The following SARDH variants were observed in gnomAD, a reference collection of about 807,000 sequenced individuals.
The protein encoded by SARDH is sarcosine dehydrogenase.
SARDH carries 95 observed loss-of-function variants against 109.1 expected under a neutral mutation model. The observed-to-expected ratio is 0.87, with a 90% CI of 0.74 to 1.03. The LOEUF (loss-of-function observed/expected upper bound fraction) is 1.03, where lower values mean the gene tolerates loss of function less well. SARDH is among the 50% of genes least tolerant of loss of function. SARDH has a pLI of 0.00. For missense variants in SARDH, 1,267 were observed against 1,287.8 expected, an observed-to-expected ratio of 0.98 and a Z score of 0.25; for synonymous variants, 572 against 534.8, an observed-to-expected ratio of 1.07 and a Z score of -0.96.
intron 6 of SARDH, among the ~76,000 whole-genome samples, chr9:133,727,407 G>A (rs1421439880): frequency 2.6e-5 from 4 of 152,254 alleles, no homozygotes; most frequent in Admixed American, 6.5e-5. Context: ...AGGCTGCCAC[G>A]CCCAGGGAGC....
rs1332012870 is a variant in SARDH at position 133,712,642 on chromosome 9, C to T, written c.1305G>A (p.Lys435=). ...ACCTGATGTCATAGCCATGCATGTC[C>T]TTCTCCGGGCGCCCATGGATGATCC... ...AHWIIHGRPE[K]DMHGYDIRRF... Residue 435 remains lysine (K), a synonymous_variant, in exon 10 of 21, where the codon AAG becomes AAA. Transcript: ENST00000439388. This position sits in a 1 kb window ranked among gnomAD's most constrained non-coding sequence, Gnocchi z 4.1. 5 of 1,610,094 alleles carry T rather than the reference C, an allele frequency of 3.1e-6. No homozygotes were observed. Among genetic ancestry groups the T allele is most frequent in the Non-Finnish European group, 4.2e-6 (5 of 1,179,958 alleles).
rs3025447 is a variant in SARDH at position 133,682,163 on chromosome 9, G to A, written c.2163+3030C>T. Among the ~76,000 whole-genome samples, 778 of 152,164 alleles carry A rather than the reference G, an allele frequency of 5.1e-3. 6 individuals carry two copies. Among genetic ancestry groups the A allele is most frequent in the African/African-American group, 0.018 (745 of 41,508 alleles). The stretch of plus-strand genomic sequence containing the variant: ...ACGGTGTTCAAGGGAAGTTCCTCCC[G>A]GGGCCACTTCCAAAGCAGAGAGGTG... On this transcript the variant is annotated intron_variant, in intron 17 of 20. Transcript: ENST00000439388.
intron 13 of SARDH, among the ~76,000 whole-genome samples, chr9:133,701,852 G>A (rs747049962): frequency 6.6e-6 from 1 of 152,238 alleles, no homozygotes; most frequent in African/African-American, 2.4e-5. Context: ...CTTCAGAACT[G>A]GCTACAGAAC....
intron 19 of SARDH, among the ~76,000 whole-genome samples, chr9:133,667,930 G>A (rs1830131483): frequency 1.3e-5 from 2 of 152,124 alleles, no homozygotes; most frequent in South Asian, 4.1e-4. Context: ...TCCACTGCCA[G>A]CATCTTCTCT....
intron 17 of SARDH, among the ~76,000 whole-genome samples, chr9:133,682,283 T>TCA (rs1830724832): frequency 6.6e-6 from 1 of 152,104 alleles, no homozygotes; most frequent in African/African-American, 2.4e-5. Context: ...AGGGGAACAG[T>TCA]CACGACATTC....
At chr9:133,678,466 C>T (rs1212463365) in intron 17 of SARDH, among the ~76,000 whole-genome samples, 2 of 152,188 alleles carry the variant, frequency 1.3e-5, no homozygotes, top group African/African-American at 4.8e-5. Context: ...AGGCCCTCTC[C>T]CCCAAAGCCA....
At chr9:133,681,028 C>A (rs560033733) in intron 17 of SARDH, among the ~76,000 whole-genome samples, 57 of 152,236 alleles carry the variant, frequency 3.7e-4, no homozygotes, top group Non-Finnish European at 6.6e-4. Flanking sequence ...TAAATCTGTG[C>A]GCTAAGGTCG....
intron 17 of SARDH, among the ~76,000 whole-genome samples, chr9:133,679,634 A>G (rs946769889): frequency 1.3e-5 from 2 of 152,132 alleles, no homozygotes; most frequent in African/African-American, 4.8e-5. Context: ...TCGAGGCAAG[A>G]TATTTGGGGA....
rs1832626491 is a variant in SARDH at position 133,730,140 on chromosome 9, A to G, written c.738T>C (p.Asp246=). 6.2e-7 allele frequency: 1 copy of G among 1,614,002 alleles called. No homozygotes were observed. Among genetic ancestry groups the G allele is most frequent in the Admixed American group, 1.7e-5 (1 of 59,998 alleles). Residue 246 remains aspartate, a synonymous_variant, in exon 5 of 21, where the codon GAT becomes GAC. Coordinates refer to ENST00000439388, the MANE Select transcript of SARDH (RefSeq NM_001134707.2). ...CACCCGCGACCCGCCGCACCCCAAA[A>G]TCATCCGTCCACACACGAATGCCGG... ...PVTGIRVWTD[D]FGVRRVAGVE...
intron 11 of SARDH, among the ~76,000 whole-genome samples, chr9:133,707,687 A>T (rs1388901439): frequency 1.3e-5 from 2 of 152,106 alleles, no homozygotes; most frequent in South Asian, 4.1e-4. Context: ...CAGAAAGCAA[A>T]GCGTCCAGCA....
intron 17 of SARDH, among the ~76,000 whole-genome samples, chr9:133,673,906 C>A (rs762099468): frequency 6.6e-6 from 1 of 152,216 alleles, no homozygotes; most frequent in Middle Eastern, 3.2e-3. Context: ...AGGGAGGGAG[C>A]AGTCCCATCC....
At chr9:133,691,151 C>G (rs1831077248) in intron 15 of SARDH, among the ~76,000 whole-genome samples, 1 of 151,078 alleles carries the variant, frequency 6.6e-6, no homozygotes, top group African/African-American at 2.4e-5. Context: ...CAGACAGACA[C>G]CCTACCTCAC....
Position 133,696,328 on chromosome 9 carries a change from C to T in SARDH, c.1702G>A (p.Ala568Thr), listed in dbSNP as rs200850275. 1.4e-4 allele frequency: 219 copies of T among 1,614,022 alleles called. No homozygotes were observed. The highest frequency in any genetic ancestry group is 1.7e-4 in the Non-Finnish European group (197 of 1,180,044). Residue 568 changes from alanine to threonine, a missense_variant, in exon 14 of 21, where the codon GCC (alanine) becomes ACC (threonine). Coordinates refer to ENST00000439388, the MANE Select transcript of SARDH (RefSeq NM_001134707.2). The part of the protein sequence containing the change: ...KKECLACRGA[A>T]AVFDMSYFGK... ...AAGTAGGACATGTCAAACACAGCGG[C>T]GGCCCCTCTGCAGGCCAGGCACTCC...
intron 10 of SARDH, among the ~76,000 whole-genome samples, chr9:133,711,469 C>T (rs902355217): frequency 9.9e-5 from 15 of 152,224 alleles, no homozygotes; most frequent in Non-Finnish European, 2.1e-4. Context: ...ATTTCCGGGA[C>T]ATTCCTCGCT....
At chr9:133,732,195 C>T (rs964450217) in intron 3 of SARDH, among the ~76,000 whole-genome samples, 1 of 152,088 alleles carries the variant, frequency 6.6e-6, no homozygotes, top group African/African-American at 2.4e-5. Flanking sequence ...TGCCCACCGA[C>T]ATGAGCCCCA....
At chr9:133,738,077 C>T (rs1298797138) in intron 1 of SARDH, among the ~76,000 whole-genome samples, 177 bp downstream of exon 1, 3 of 152,078 alleles carry the variant, frequency 2.0e-5, no homozygotes, top group Admixed American at 6.5e-5. Flanking sequence ...TGGGGAGGAG[C>T]GGCAGGGGGC....
chr9:133,699,260 TA>T (rs1831396171), intron 13 of SARDH, among the ~76,000 whole-genome samples: 1 of 151,708 alleles, frequency 6.6e-6, no homozygotes, highest in African/African-American at 2.4e-5. Flanking sequence ...GCAGGATAAT[TA>T]CTTGGGAGGC....
intron 3 of SARDH, 124 bp from the exon 4 acceptor site, chr9:133,731,608 C>T: frequency 1.1e-6 from 1 of 922,626 alleles, no homozygotes; most frequent in South Asian, 1.7e-5. Context: ...TTAGCCGGTC[C>T]CCACGCCCCC....
In SARDH at chr9:133,709,569, T is replaced by C. The variant is rs532735730; in HGVS notation, c.1329-1141A>G. 2.6e-5 allele frequency among the ~76,000 whole-genome samples: 4 copies of C among 152,264 alleles called. No homozygotes were observed. The highest frequency in any genetic ancestry group is 9.6e-5 in the African/African-American group (4 of 41,556). On this transcript the variant is annotated intron_variant, in intron 10 of 20. Coordinates refer to ENST00000439388, the MANE Select transcript of SARDH (RefSeq NM_001134707.2). The surrounding 1 kb of genome is among the most constrained non-coding windows in gnomAD (Gnocchi z 4.2). ...CCTCAGTGACACCTGTCAGGGCTGA[T>C]TCTTAGTCTGCACGTAATTCTAGCA...
Sources: allele counts gnomAD v4.1 joint callset (sites outside exome capture counted in the v4.1 genomes callset), GRCh38; gene constraint gnomAD v4.1.1; non-coding constraint Gnocchi (gnomAD v3.1); transcripts MANE v1.5; gene names NCBI Gene and HGNC (gene_info 2026-07-23, HGNC 2026-07-21).